KDM4C: variants seen among roughly 807,000 people sequenced by gnomAD.
KDM4C encodes the protein lysine demethylase 4C.
Under a neutral mutation model 129.3 loss-of-function variants are expected in KDM4C, and 81 were observed. The ratio of observed to expected loss-of-function variants is 0.63; its 90% CI spans 0.52 to 0.75. KDM4C has a LOEUF of 0.75. Among genes scored for constraint, KDM4C ranks in the 30% least tolerant of loss-of-function variants. The probability of loss-of-function intolerance (pLI) is 0.00; values close to 1 mark genes in which losing one functional copy is unlikely to be tolerated. For missense variants in KDM4C, 1,457 were observed against 1,304.0 expected (o/e 1.12, Z -1.81); for synonymous variants, 573 against 456.1 (o/e 1.26, Z -3.26).
chr9:6,965,212 C>G (rs1008506536), intron 8 of KDM4C, among the ~76,000 whole-genome samples: 13 of 151,436 alleles, frequency 8.6e-5, no homozygotes, highest in Non-Finnish European at 1.6e-4. Flanking sequence ...CATAGGAAGC[C>G]TTGAGCTTAA....
chr9:6,919,247 T>TTTCTTTCTTTTC, intron 8 of KDM4C, among the ~76,000 whole-genome samples: 55 of 106,362 alleles, frequency 5.2e-4, no homozygotes, highest in Non-Finnish European at 8.8e-4. Flanking sequence ...TCTTTCTTTC[T>TTTCTTTCTTTTC]TTTCTTTCTT....
intron 1 of KDM4C, chr9:6,734,901 C>A: frequency 1.8e-6 from 1 of 567,024 alleles, no homozygotes; most frequent in South Asian, 1.4e-5. Flanking sequence ...GGAAGGTAGT[C>A]CCCAGTCTGT....
intron 1 of KDM4C, among the ~76,000 whole-genome samples, chr9:6,790,989 G>A (rs10975831): frequency 0.18 from 27,984 of 152,054 alleles, 2,688 homozygotes; most frequent in African/African-American, 0.22. Context: ...ACTCCTGTCC[G>A]TTCCAGCGGT....
intron 18 of KDM4C, among the ~76,000 whole-genome samples, chr9:7,116,592 A>G (rs976571275): frequency 1.3e-5 from 2 of 152,158 alleles, no homozygotes; most frequent in Non-Finnish European, 2.9e-5. Context: ...TTAACACTAG[A>G]CAATCTGACA....
At chr9:6,952,411 G>GTGTATATATATA (rs970706736) in intron 8 of KDM4C, among the ~76,000 whole-genome samples, 4 of 145,144 alleles carry the variant, frequency 2.8e-5, no homozygotes, top group African/African-American at 1.0e-4. Context: ...GTGTATGTGT[G>GTGTATATATATA]TATATATATA....
At chr9:7,073,932 G>A (rs778664477) in intron 17 of KDM4C, among the ~76,000 whole-genome samples, 1 of 152,154 alleles carries the variant, frequency 6.6e-6, no homozygotes, top group Non-Finnish European at 1.5e-5. Context: ...AGGTGTCTCG[G>A]AAACCTAACT....
intron 17 of KDM4C, among the ~76,000 whole-genome samples, chr9:7,097,485 A>T (rs1441358192): frequency 6.6e-6 from 1 of 152,160 alleles, no homozygotes; most frequent in Admixed American, 6.5e-5. Context: ...CTGCCACATC[A>T]TGGGCTCCTC....
intron 11 of KDM4C, among the ~76,000 whole-genome samples, chr9:6,989,856 C>T (rs558506486): frequency 2.6e-5 from 4 of 152,196 alleles, no homozygotes; most frequent in African/African-American, 7.2e-5. Context: ...CTCATTGCAG[C>T]CTCCACCTCC....
chr9:7,094,580 A>G (rs1049178676), intron 17 of KDM4C, among the ~76,000 whole-genome samples: 1 of 152,150 alleles, frequency 6.6e-6, no homozygotes, highest in African/African-American at 2.4e-5. Flanking sequence ...GTTGGGGGCT[A>G]CAGGAGAAGG....
chr9:7,129,142 G>A (rs1191879675), intron 19 of KDM4C, among the ~76,000 whole-genome samples: 3 of 152,024 alleles, frequency 2.0e-5, no homozygotes, highest in African/African-American at 7.2e-5. Flanking sequence ...TTGATGCTTT[G>A]CTTTTGTTTG....
At chr9:6,828,797 G>A (rs1013520401) in intron 4 of KDM4C, among the ~76,000 whole-genome samples, 1 of 152,116 alleles carries the variant, frequency 6.6e-6, no homozygotes, top group Non-Finnish European at 1.5e-5. Context: ...TTTGAACCTG[G>A]GAGGTAGAGG....
At chr9:7,120,262 A>G in intron 18 of KDM4C, among the ~76,000 whole-genome samples, 1 of 152,132 alleles carries the variant, frequency 6.6e-6, no homozygotes, top group East Asian at 1.9e-4. Context: ...GGTATTAGGA[A>G]CATACTTTCC....
Position 7,174,661 on chromosome 9 carries a change from G to T in KDM4C, c.3103G>T (p.Val1035Leu). Reference protein sequence around the residue: ...VLSSRFKNEYVADPVYRTFLK... With the variant: ...VLSSRFKNEYLADPVYRTFLK... ...GAGCTCCAGGTTTAAGAATGAATAT[G>T]TGGCCGACCCTGTATACCGCACTTT... The change falls in exon 22 of 22, where the codon GTG becomes TTG. Residue 1035 changes from valine to leucine, a missense_variant. Physicochemically the swap from Val to Leu is conservative, Grantham distance 32. Coordinates refer to ENST00000381309, the MANE Select transcript of KDM4C (RefSeq NM_015061.6). 1.9e-6 allele frequency: 3 copies of T among 1,614,132 alleles called. No homozygotes were observed. The highest frequency in any genetic ancestry group is 2.5e-6 in the Non-Finnish European group (3 of 1,179,966).
At chr9:7,018,734 T>C (rs938793933) in intron 15 of KDM4C, among the ~76,000 whole-genome samples, 9 of 152,266 alleles carry the variant, frequency 5.9e-5, no homozygotes, top group Admixed American at 2.6e-4. Flanking sequence ...CTCACCCTGA[T>C]TCTAAAGCTG....
chr9:6,989,206 A>G lies in KDM4C; in HGVS notation c.1678-1210A>G, dbSNP rs143711650. ...TTTCTTATTCCTAGCTTTGATTACA[A>G]TGGTCTTACACATTTTCTTAGAATC... On this transcript the variant is annotated intron_variant, in intron 11 of 21. Transcript: ENST00000381309. 1.2e-3 allele frequency among the ~76,000 whole-genome samples: 181 copies of G among 152,278 alleles called. 1 individual carries two copies. Among genetic ancestry groups the G allele is most frequent in the African/African-American group, 4.3e-3 (177 of 41,546 alleles).
intron 18 of KDM4C, among the ~76,000 whole-genome samples, chr9:7,124,511 A>G (rs1047476671): frequency 2.6e-5 from 4 of 152,164 alleles, no homozygotes; most frequent in African/African-American, 9.7e-5. Flanking sequence ...ATCAGTCTGC[A>G]TGCTGTGCCT....
At chr9:6,770,869 C>T (rs888865585) in intron 1 of KDM4C, among the ~76,000 whole-genome samples, 2 of 150,042 alleles carry the variant, frequency 1.3e-5, no homozygotes, top group East Asian at 2.0e-4. Flanking sequence ...TCTGCCTCCC[C>T]GGTTCAAGTG....
chr9:6,977,555 A>C (rs58896728), intron 8 of KDM4C, among the ~76,000 whole-genome samples: 38,315 of 152,020 alleles, frequency 0.25, 5,224 homozygotes, highest in South Asian at 0.46. Flanking sequence ...TGAAGAAGTC[A>C]CATAAGTCGA....
intron 17 of KDM4C, among the ~76,000 whole-genome samples, chr9:7,066,998 T>A (rs189158277): frequency 1.3e-5 from 2 of 152,368 alleles, no homozygotes; most frequent in Non-Finnish European, 2.9e-5. Context: ...CCCAGATATT[T>A]TTGGAAACAA....
Sources: allele counts gnomAD v4.1 joint callset (sites outside exome capture counted in the v4.1 genomes callset), GRCh38; gene constraint gnomAD v4.1.1; transcripts MANE v1.5; gene names NCBI Gene and HGNC (gene_info 2026-07-23, HGNC 2026-07-21).